Variants in ZNF217 observed in about 807,000 individuals in gnomAD.
ZNF217 encodes zinc finger protein 217.
In ZNF217, 12 loss-of-function variants were observed where a neutral mutation model predicts 73.3. The observed-to-expected ratio is 0.16, with a 90% CI of 0.10 to 0.27. The LOEUF is 0.27. Ranked by LOEUF, ZNF217 falls within the 10% of genes least tolerant of loss-of-function variation. ZNF217 has a pLI of 1.00. For missense variants in ZNF217, 1,195 were observed against 1,327.8 expected, an observed-to-expected ratio of 0.90 and a Z score of 1.55; for synonymous variants, 588 against 516.4, an observed-to-expected ratio of 1.14 and a Z score of -1.88.
At chr20:53,573,159 G>C (rs1185099248) in intron 4 of ZNF217, among the ~76,000 whole-genome samples, 1 of 146,294 alleles carries the variant, frequency 6.8e-6, no homozygotes, top group Admixed American at 6.9e-5. Context: ...GTCTCGCTCT[G>C]TCGCCCAGGC....
upstream of ZNF217, among the ~76,000 whole-genome samples, chr20:53,595,300 A>G (rs570083358): frequency 6.6e-6 from 1 of 152,354 alleles, no homozygotes; most frequent in Non-Finnish European, 1.5e-5. Flanking sequence ...AGTCGCTACT[A>G]ACAAAATAGC....
chr20:53,579,179 G>T (rs60301038), intron 2 of ZNF217, among the ~76,000 whole-genome samples: 3,947 of 152,268 alleles, frequency 0.026, 165 homozygotes, highest in African/African-American at 0.091. Flanking sequence ...ATCAGGAGAA[G>T]TTAGAGTCCA....
chr20:53,583,566 T>C (rs924561912), intron 1 of ZNF217, among the ~76,000 whole-genome samples: 5 of 152,114 alleles, frequency 3.3e-5, no homozygotes, highest in African/African-American at 1.2e-4. Flanking sequence ...GATGAAAAAA[T>C]TAAAACACTT....
chr20:53,581,406 G>A lies in ZNF217; in HGVS notation c.1366+55C>T, dbSNP rs577119357. 5 of 1,530,412 alleles carry A rather than the reference G, an allele frequency of 3.3e-6. No homozygotes were observed. The highest frequency in any genetic ancestry group is 2.5e-5 in the South Asian group (2 of 80,120). The allele number at this position is 1,530,412 out of a possible 1,614,324, so 94.8% of individuals were successfully genotyped here. On this transcript the variant is annotated intron_variant, in intron 2 of 5. Coordinates refer to ENST00000371471, the MANE Select transcript of ZNF217 (RefSeq NM_006526.3). The surrounding 1 kb of genome is among the most constrained non-coding windows in gnomAD (Gnocchi z 4.9). ...GAGATGGGAATAGAGAGGGGGAGAC[G>A]GGGAGACAGACAGACACAGGCGGAA...
At chr20:53,574,978 C>T (rs1043564225) in intron 4 of ZNF217, 1 of 152,200 alleles carries the variant, frequency 6.6e-6, no homozygotes, top group Non-Finnish European at 1.5e-5. Flanking sequence ...ATGGACTAGA[C>T]AGACCAGTGT....
chr20:53,576,338 T>C lies in ZNF217; in HGVS notation c.2426A>G (p.Asp809Gly). Residue 809 changes from aspartate to glycine, a missense_variant, in exon 4 of 6, where the codon GAC (aspartate) becomes GGC (glycine). By Grantham distance (94) the Asp-to-Gly change is moderately conservative. Around this residue, in one of 9 missense-constraint regions of ZNF217, gnomAD observed 649 missense variants for 642.8 expected, o/e 1.01. Coordinates refer to ENST00000371471, the MANE Select transcript of ZNF217 (RefSeq NM_006526.3). ...GTTACTTGGGGCTAAAGTGCTAGAG[T>C]CTATCCCTGAAGTCAGAGGGGCCTT... Reference protein sequence around the residue: ...PGKAPLTSGIDSSTLAPSNLK... With the variant: ...PGKAPLTSGIGSSTLAPSNLK... 6.2e-7 allele frequency: 1 copy of C among 1,614,042 alleles called. No individual in the cohort carries two copies. Among genetic ancestry groups the C allele is most frequent in the Non-Finnish European group, 8.5e-7 (1 of 1,180,000 alleles).
chr20:53,576,803 C>G lies in ZNF217; in HGVS notation c.1961G>C (p.Ser654Thr), dbSNP rs769344360. The G allele has an allele frequency of 6.2e-7, 1 of 1,614,208 alleles. No homozygotes were observed. Among genetic ancestry groups the G allele is most frequent in the South Asian group, 1.1e-5 (1 of 91,088 alleles). Residue 654 changes from serine (S) to threonine (T), a missense_variant, in exon 4 of 6, where the codon AGT (serine) becomes ACT (threonine). Ser to Thr is a moderately conservative substitution (Grantham distance 58). This residue lies in a region of ZNF217 where 649 missense variants were observed against 642.8 expected (regional missense o/e 1.01). Transcript: ENST00000371471. ...KADVTPPPDGSTTHNLEVSPK... is the reference protein window; with the variant it reads ...KADVTPPPDGTTTHNLEVSPK... ...GCTAACTTCAAGGTTATGGGTGGTA[C>G]TGCCATCCGGAGGAGGAGTAACATC... is the stretch of plus-strand genomic sequence containing the variant.
At chr20:53,580,081 CT>C (rs1988428004) in intron 2 of ZNF217, among the ~76,000 whole-genome samples, 1 of 152,238 alleles carries the variant, frequency 6.6e-6, no homozygotes, top group Non-Finnish European at 1.5e-5. Context: ...TTTAAAGCCT[CT>C]TTTTATGATG....
Position 53,582,271 on chromosome 20 carries a change from T to G in ZNF217, c.556A>C (p.Ser186Arg). The change falls in exon 2 of 6, where the codon AGC becomes CGC. Residue 186 changes from serine (S) to arginine (R), a missense_variant. Around this residue, in one of 9 missense-constraint regions of ZNF217, gnomAD observed 31 missense variants for 72.2 expected, o/e 0.43. Transcript: ENST00000371471. This position sits in a 1 kb window ranked among gnomAD's most constrained non-coding sequence, Gnocchi z 4.8. ...CTCTCCAAGCCTTGCTGCAGTTTGC[T>G]TCTGGCCCCCGATTTGCCATTATGT... The part of the protein sequence containing the change: ...RTHNGKSGAR[S>R]KLQQGLESSP... The G allele has an allele frequency of 6.2e-7, 1 of 1,614,238 alleles. No individual in the cohort carries two copies. Among genetic ancestry groups the G allele is most frequent in the Non-Finnish European group, 8.5e-7 (1 of 1,180,044 alleles).
chr20:53,585,087 G>T (rs1600726802), intron 1 of ZNF217, among the ~76,000 whole-genome samples: 4 of 65,548 alleles, frequency 6.1e-5, no homozygotes, highest in Non-Finnish European at 8.3e-5. Context: ...AAAGTTCAGT[G>T]AGAATTTGAA....
intron 4 of ZNF217, 48 bp downstream of exon 4, chr20:53,575,679 T>C: frequency 6.7e-7 from 1 of 1,491,518 alleles, no homozygotes; most frequent in Non-Finnish European, 8.9e-7. Flanking sequence ...GGATTAGCTA[T>C]TAATCACTGT....
At chr20:53,596,592 A>C (rs1025482432), upstream of ZNF217, among the ~76,000 whole-genome samples, 1 of 152,202 alleles carries the variant, frequency 6.6e-6, no homozygotes, top group African/African-American at 2.4e-5. Context: ...AACAATTAAA[A>C]TATGGAAACT....
chr20:53,597,097 GAA>G (rs1161731962), upstream of ZNF217, among the ~76,000 whole-genome samples: 14 of 102,968 alleles, frequency 1.4e-4, no homozygotes, highest in African/African-American at 4.2e-4. Context: ...AAAAAAAAAA[GAA>G]AAAAAAAAAA....
At chr20:53,591,775 C>T (rs1396576051) in intron 1 of ZNF217, among the ~76,000 whole-genome samples, 1 of 152,216 alleles carries the variant, frequency 6.6e-6, no homozygotes, top group East Asian at 1.9e-4. Context: ...GCACTTGTCA[C>T]TGCAGACACA....
chr20:53,570,680 C>T (rs543469781), intron 5 of ZNF217, among the ~76,000 whole-genome samples: 1 of 152,284 alleles, frequency 6.6e-6, no homozygotes, highest in African/African-American at 2.4e-5. Context: ...TACAGTGAGA[C>T]CTTTAACATG....
At chr20:53,593,268 C>G (rs1988947303) in intron 1 of ZNF217, among the ~76,000 whole-genome samples, 1 of 152,152 alleles carries the variant, frequency 6.6e-6, no homozygotes. Context: ...GATGCCCGTC[C>G]GGACGCATTG....
intron 5 of ZNF217, chr20:53,570,242 C>T (rs1212850612): frequency 2.0e-5 from 3 of 152,606 alleles, no homozygotes; most frequent in East Asian, 3.8e-4. Flanking sequence ...GCTTTACTCC[C>T]TCATGTTCTT....
intron 1 of ZNF217, among the ~76,000 whole-genome samples, chr20:53,589,351 A>G (rs1248175453): frequency 2.0e-5 from 3 of 152,258 alleles, no homozygotes; most frequent in Admixed American, 2.0e-4. Context: ...CTTTATCATA[A>G]AATTACCAAA....
chr20:53,595,276 A>C (rs1287987425), upstream of ZNF217, among the ~76,000 whole-genome samples: 1 of 152,226 alleles, frequency 6.6e-6, no homozygotes, highest in Admixed American at 6.5e-5. Context: ...GCAAATGTGA[A>C]ATGGATCTAT....
Sources: allele counts gnomAD v4.1 joint callset (sites outside exome capture counted in the v4.1 genomes callset), GRCh38; gene constraint gnomAD v4.1.1; regional missense constraint gnomAD v4.1.1; non-coding constraint Gnocchi (gnomAD v3.1); transcripts MANE v1.5; gene names NCBI Gene and HGNC (gene_info 2026-07-23, HGNC 2026-07-21).